Variants in SCAPER observed in about 807,000 individuals in gnomAD.
SCAPER encodes S-phase cyclin A associated protein in the ER, also known as S phase cyclin A-associated protein in the endoplasmic reticulum.
In SCAPER, 98 loss-of-function variants were observed where a neutral mutation model predicts 182.2. The observed-to-expected ratio is 0.54, with a 90% CI of 0.46 to 0.64. The LOEUF is 0.64. Among genes scored for constraint, SCAPER ranks in the 30% least tolerant of loss-of-function variants. SCAPER has a pLI of 0.00. For missense variants in SCAPER, 1,432 were observed against 1,690.0 expected (o/e 0.85, Z 2.68); for synonymous variants, 605 against 564.6 (o/e 1.07, Z -1.01).
Position 76,783,655 on chromosome 15 carries a change from G to A in SCAPER, c.773-8538C>T, listed in dbSNP as rs189168592. Among the ~76,000 whole-genome samples the A allele has an allele frequency of 3.2e-3, 484 of 152,208 alleles. 5 individuals carry two copies. Among genetic ancestry groups the A allele is most frequent in the African/African-American group, 0.011 (462 of 41,536 alleles). ...ATCCTCAATAAAATACTGGCAAACCGAATCCAGCAGCACATCAAAAAGCTT... is the reference window on the plus strand; with the variant it reads ...ATCCTCAATAAAATACTGGCAAACCAAATCCAGCAGCACATCAAAAAGCTT... On this transcript the variant is annotated intron_variant, in intron 8 of 31. Transcript: ENST00000563290.
Position 76,415,507 on chromosome 15 carries a change from GAA to G in SCAPER, c.3312-10830_3312-10829del, listed in dbSNP as rs1318038498. On this transcript the variant is annotated intron_variant, in intron 26 of 31. Transcript: ENST00000563290. The stretch of plus-strand genomic sequence containing the variant: ...GGATAAATTTGGGAATTTATTCACA[GAA>G]TAGAATCTGAAGAGCAGTTAAAATG... Among the ~76,000 whole-genome samples, 3 of 152,160 alleles carry G rather than the reference GAA, an allele frequency of 2.0e-5. No homozygotes were observed. The East Asian group carries it at 5.8e-4, about 29-fold the overall frequency.
intron 29 of SCAPER, among the ~76,000 whole-genome samples, chr15:76,371,244 C>A (rs528700153): frequency 5.9e-5 from 9 of 151,820 alleles, no homozygotes; most frequent in Non-Finnish European, 1.3e-4. Context: ...GTTCAAGAGA[C>A]AAGAGATGGC....
chr15:76,392,351 T>C (rs918672707), intron 27 of SCAPER, among the ~76,000 whole-genome samples: 54 of 152,362 alleles, frequency 3.5e-4, no homozygotes, highest in Non-Finnish European at 7.3e-5. Context: ...GAGTGACAGA[T>C]GTTAGCCCCC....
At chr15:76,821,252 AAAC>A (rs2067515177) in intron 5 of SCAPER, among the ~76,000 whole-genome samples, 2 of 151,780 alleles carry the variant, frequency 1.3e-5, no homozygotes, top group Admixed American at 1.3e-4. Flanking sequence ...ATGAATGAAT[AAAC>A]AAACTGTGGT....
intron 1 of SCAPER, among the ~76,000 whole-genome samples, chr15:76,886,173 G>A (rs778466815): frequency 1.3e-5 from 2 of 152,124 alleles, no homozygotes; most frequent in African/African-American, 2.4e-5. Flanking sequence ...CTAACAATGT[G>A]AAAATGTATA....
At chr15:76,853,826 G>T (rs2071038077) in intron 4 of SCAPER, among the ~76,000 whole-genome samples, 1 of 152,114 alleles carries the variant, frequency 6.6e-6, no homozygotes, top group Admixed American at 6.5e-5. Flanking sequence ...GAGCCATCAG[G>T]CAAGAGAAAA....
intron 25 of SCAPER, among the ~76,000 whole-genome samples, chr15:76,445,801 T>G (rs1168309286): frequency 6.6e-6 from 1 of 152,080 alleles, no homozygotes; most frequent in Non-Finnish European, 1.5e-5. Flanking sequence ...CAATACAGTC[T>G]CCATGCACCC....
Position 76,432,971 on chromosome 15 carries a change from AG to A in SCAPER, c.3311+1106del, listed in dbSNP as rs568199078. Among the ~76,000 whole-genome samples, 8 of 152,368 alleles carry A rather than the reference AG, an allele frequency of 5.3e-5. No individual in the cohort carries two copies. The South Asian group carries it at 1.7e-3, about 32-fold the overall frequency. ...CTCTACTACAATACCTTACACTTAA[AG>A]GGGTTACTATACTATACTATAGGTA... On this transcript the variant is annotated intron_variant, in intron 26 of 31. Transcript: ENST00000563290.
At chr15:76,882,864 C>T (rs2073642565) in intron 2 of SCAPER, among the ~76,000 whole-genome samples, 1 of 152,160 alleles carries the variant, frequency 6.6e-6, no homozygotes, top group Non-Finnish European at 1.5e-5. Flanking sequence ...CGGGGTTTCA[C>T]CGTGTTAGCC....
At chr15:76,614,327 C>CA (rs1164129534) in intron 22 of SCAPER, among the ~76,000 whole-genome samples, 9 of 152,070 alleles carry the variant, frequency 5.9e-5, no homozygotes, top group Admixed American at 5.9e-4. Context: ...ATATTCTGTA[C>CA]AACAAATCCC....
chr15:76,476,328 G>A (rs1212996994), intron 24 of SCAPER, among the ~76,000 whole-genome samples: 1 of 152,196 alleles, frequency 6.6e-6, no homozygotes, highest in East Asian at 1.9e-4. Flanking sequence ...AGAAGGAGCA[G>A]CACCCCTGTG....
intron 17 of SCAPER, among the ~76,000 whole-genome samples, chr15:76,715,441 C>T (rs1374158647): frequency 6.6e-6 from 1 of 152,098 alleles, no homozygotes; most frequent in Non-Finnish European, 1.5e-5. Flanking sequence ...AGTGCCCCAT[C>T]TGCCTAGAAC....
intron 5 of SCAPER, among the ~76,000 whole-genome samples, chr15:76,815,365 G>A (rs370199876): frequency 2.0e-5 from 3 of 152,190 alleles, no homozygotes; most frequent in African/African-American, 4.8e-5. Flanking sequence ...AACCTTAAGT[G>A]TCCATCAATG....
intron 25 of SCAPER, among the ~76,000 whole-genome samples, chr15:76,459,763 A>C (rs939225670): frequency 2.0e-5 from 3 of 152,190 alleles, no homozygotes. Flanking sequence ...AATGTCCAGC[A>C]GAGTTTCCCT....
chr15:76,420,719 C>T (rs957872383), intron 26 of SCAPER, among the ~76,000 whole-genome samples: 3 of 152,054 alleles, frequency 2.0e-5, no homozygotes, highest in African/African-American at 7.2e-5. Flanking sequence ...GTGCTGCACC[C>T]GTTAACTCAC....
intron 23 of SCAPER, among the ~76,000 whole-genome samples, chr15:76,569,114 A>AT (rs1186038104): frequency 6.6e-6 from 1 of 151,930 alleles, no homozygotes; most frequent in African/African-American, 2.4e-5. Context: ...GACAGTAAAT[A>AT]TTTTTGTTGT....
At chr15:76,426,145 G>C (rs1235756055) in intron 26 of SCAPER, among the ~76,000 whole-genome samples, 1 of 152,218 alleles carries the variant, frequency 6.6e-6, no homozygotes, top group African/African-American at 2.4e-5. Context: ...AAAGCTGTCA[G>C]ACAGGGACAT....
chr15:76,383,105 TAC>T (rs77313356), intron 27 of SCAPER, among the ~76,000 whole-genome samples: 42,440 of 149,876 alleles, frequency 0.28, 6,989 homozygotes, highest in East Asian at 0.58. Context: ...TGTGTGTAAA[TAC>T]ACACACACAC....
chr15:76,718,076 T>A lies in SCAPER; in HGVS notation c.2165+10519A>T, dbSNP rs78593917. On this transcript the variant is annotated intron_variant, in intron 17 of 31. Transcript: ENST00000563290. ...AAGAAGATTCAAATTGTACCTATTG[T>A]TGTTTCAGATCACTATGATATAAAA... Among the ~76,000 whole-genome samples, 1,379 of 152,272 alleles carry A rather than the reference T, an allele frequency of 9.1e-3. 22 individuals carry two copies. The highest frequency in any genetic ancestry group is 0.032 in the African/African-American group (1,339 of 41,560).
Sources: gnomAD v4.1 joint callset for allele counts (sites outside exome capture counted in the v4.1 genomes callset) on GRCh38, gnomAD v4.1.1 for gene constraint, MANE v1.5 for transcripts, NCBI Gene and HGNC (gene_info 2026-07-23, HGNC 2026-07-21) for gene names.